The following RAD9B variants were observed in gnomAD, a reference collection of about 807,000 sequenced individuals.
RAD9B encodes the protein cell cycle checkpoint control protein RAD9B.
A neutral mutation model predicts 48.3 loss-of-function variants in RAD9B; 41 were observed. The ratio of observed to expected loss-of-function variants is 0.85; its 90% CI spans 0.66 to 1.10. RAD9B has a LOEUF of 1.10. Ranked by LOEUF, RAD9B falls within the 50% of genes least tolerant of loss-of-function variation. The pLI is 0.00. For synonymous variants in RAD9B, 160 were observed against 157.9 expected (o/e 1.01, Z -0.10); for missense variants, 444 against 485.1 (o/e 0.92, Z 0.80).
intron 6 of RAD9B, among the ~76,000 whole-genome samples, chr12:110,516,683 A>G (rs2063609114): frequency 2.0e-5 from 3 of 151,870 alleles, no homozygotes; most frequent in African/African-American, 7.2e-5. Flanking sequence ...GGTGGTGTGC[A>G]CCTATAGTCC....
At chr12:110,507,631 A>G (rs1437090444) in intron 4 of RAD9B, among the ~76,000 whole-genome samples, 1 of 147,190 alleles carries the variant, frequency 6.8e-6, no homozygotes, top group Non-Finnish European at 1.5e-5. Flanking sequence ...TATTATATAC[A>G]TAATGTATAA....
chr12:110,505,475 C>T (rs1271425278), intron 2 of RAD9B, 142 bp from the exon 3 acceptor site: 40 of 518,376 alleles, frequency 7.7e-5, no homozygotes, highest in Non-Finnish European at 1.6e-5. Context: ...GAGGTGGGGT[C>T]TTGCTCTGTT....
chr12:110,531,468 A>T lies in RAD9B; in HGVS notation c.*815A>T, dbSNP rs746152322. 1 of 778,474 alleles carries T rather than the reference A, an allele frequency of 1.3e-6. No individual in the cohort carries two copies. The highest frequency in any genetic ancestry group is 2.1e-6 in the Non-Finnish European group (1 of 475,710). The allele number at this position is 778,474 out of a possible 1,614,324, so 48.2% of individuals were successfully genotyped here. On this transcript the variant is annotated 3_prime_UTR_variant, in exon 11 of 11. Coordinates refer to ENST00000409300, the MANE Select transcript of RAD9B (RefSeq NM_001286535.2). ...CGGCCTCCCAAAGTGCTGGGATTACAGACTTGAGCCACTGCGCCCAACCTG... is the reference window on the plus strand; with the variant it reads ...CGGCCTCCCAAAGTGCTGGGATTACTGACTTGAGCCACTGCGCCCAACCTG...
chr12:110,512,901 T>G, intron 5 of RAD9B, 23 bp downstream of exon 5: 1 of 1,190,420 alleles, frequency 8.4e-7, no homozygotes, highest in Non-Finnish European at 1.2e-6. Context: ...CTGTTGTCAG[T>G]TTTTTTCACC....
At chr12:110,526,056 C>T (rs772820276) in intron 10 of RAD9B, among the ~76,000 whole-genome samples, 13 of 151,998 alleles carry the variant, frequency 8.6e-5, no homozygotes, top group South Asian at 2.1e-4. Context: ...AGGCTGGTCT[C>T]GGACACCTGA....
chr12:110,528,925 A>T (rs142616776), intron 10 of RAD9B, among the ~76,000 whole-genome samples: 17,096 of 152,040 alleles, frequency 0.11, 1,169 homozygotes, highest in African/African-American at 0.19. Context: ...ACAGGGTTTC[A>T]CCATCTTGCT....
intron 4 of RAD9B, among the ~76,000 whole-genome samples, chr12:110,510,486 C>A (rs2063427187): frequency 6.6e-6 from 1 of 152,160 alleles, no homozygotes; most frequent in South Asian, 2.1e-4. Flanking sequence ...TGAGTCCTGT[C>A]AGCTTCCACT....
intron 4 of RAD9B, among the ~76,000 whole-genome samples, chr12:110,512,047 A>G (rs2063476039): frequency 6.6e-6 from 1 of 151,290 alleles, no homozygotes; most frequent in Non-Finnish European, 1.5e-5. Context: ...GAGTTTCACC[A>G]TGTTGGCCAG....
chr12:110,506,764 TATTTC>T, intron 4 of RAD9B, 71 bp downstream of exon 4: 1 of 770,006 alleles, frequency 1.3e-6, no homozygotes, highest in Non-Finnish European at 2.2e-6. Context: ...AGAACATTGA[TATTTC>T]ATGTCAAGAT....
intron 10 of RAD9B, 102 bp downstream of exon 10, chr12:110,522,513 G>C (rs937302718): frequency 1.2e-6 from 1 of 818,634 alleles, no homozygotes; most frequent in Non-Finnish European, 1.9e-6. Context: ...TCTGAAAATT[G>C]ATTTTCTTAT....
At chr12:110,503,235 G>T (rs2063147238) in intron 1 of RAD9B, 1 of 152,966 alleles carries the variant, frequency 6.5e-6, no homozygotes, top group Non-Finnish European at 1.5e-5. Flanking sequence ...GTCAGAGTGA[G>T]ACTCTGTCTC....
intron 4 of RAD9B, among the ~76,000 whole-genome samples, chr12:110,509,227 C>G (rs1359210947): frequency 6.6e-6 from 1 of 152,046 alleles, no homozygotes; most frequent in Non-Finnish European, 1.5e-5. Flanking sequence ...CTTGGCCTTC[C>G]AAAGTGCTGG....
intron 6 of RAD9B, among the ~76,000 whole-genome samples, chr12:110,517,204 A>C (rs1257660574): frequency 1.3e-5 from 2 of 151,808 alleles, no homozygotes; most frequent in Non-Finnish European, 2.9e-5. Flanking sequence ...GGTGGCATGC[A>C]CCTGTAGTCT....
intron 1 of RAD9B, 112 bp downstream of exon 1, chr12:110,502,495 G>A: frequency 8.5e-7 from 1 of 1,178,516 alleles, no homozygotes; most frequent in Non-Finnish European, 1.2e-6. Context: ...AATGACTGAG[G>A]ACGCACGCCC....
intron 5 of RAD9B, 37 bp downstream of exon 5, chr12:110,512,915 A>G: frequency 2.0e-6 from 2 of 996,640 alleles, no homozygotes; most frequent in South Asian, 2.7e-5. Context: ...TTTCACCTGA[A>G]TACAGTATGA....
rs949464912 is a variant in RAD9B at position 110,533,243 on chromosome 12, G to T, written c.*2590G>T. ...CTATTCAAACCAAAAGAAGCACACAGATTAGTATAAATACTATATTTATTA... is the reference window on the plus strand; with the variant it reads ...CTATTCAAACCAAAAGAAGCACACATATTAGTATAAATACTATATTTATTA... On this transcript the variant is annotated 3_prime_UTR_variant, in exon 11 of 11. Coordinates refer to ENST00000409300, the MANE Select transcript of RAD9B (RefSeq NM_001286535.2). The T allele has an allele frequency of 6.6e-6, 1 of 152,148 alleles. No individual in the cohort carries two copies. The highest frequency in any genetic ancestry group is 2.4e-5 in the African/African-American group (1 of 41,426). The allele number at this position is 152,148 out of a possible 1,614,324, so 9.4% of individuals were successfully genotyped here.
chr12:110,523,613 G>A (rs1216700904), intron 10 of RAD9B, among the ~76,000 whole-genome samples: 1 of 152,090 alleles, frequency 6.6e-6, no homozygotes, highest in East Asian at 1.9e-4. Flanking sequence ...TGAAATCTGT[G>A]TTCTCATTGT....
intron 6 of RAD9B, among the ~76,000 whole-genome samples, chr12:110,517,488 G>C (rs1302392431): frequency 3.9e-5 from 6 of 151,966 alleles, no homozygotes; most frequent in Non-Finnish European, 7.4e-5. Context: ...GCTGGACGTG[G>C]TGGTGTGTGC....
chr12:110,531,057 T>C lies in RAD9B; in HGVS notation c.*404T>C. On this transcript the variant is annotated 3_prime_UTR_variant, in exon 11 of 11. Coordinates refer to ENST00000409300, the MANE Select transcript of RAD9B (RefSeq NM_001286535.2). ...TTGTGATTTGTAGTCAGGTATCTTT[T>C]GTATTTGATTGCAAACATTTGGATT... 1.0e-6 allele frequency: 1 copy of C among 1,001,212 alleles called. No homozygotes were observed. Among genetic ancestry groups the C allele is most frequent in the Non-Finnish European group, 1.2e-6 (1 of 840,522 alleles). 62.0% of individuals were successfully genotyped at this position (1,001,212 alleles called of 1,614,324 possible).
Sources: allele counts gnomAD v4.1 joint callset (sites outside exome capture counted in the v4.1 genomes callset), GRCh38; gene constraint gnomAD v4.1.1; transcripts MANE v1.5; gene names NCBI Gene and HGNC (gene_info 2026-07-23, HGNC 2026-07-21).